CRIM1: variants seen among roughly 807,000 people sequenced by gnomAD.
CRIM1 encodes cysteine rich transmembrane BMP regulator 1.
A neutral mutation model predicts 116.4 loss-of-function variants in CRIM1; 32 were observed. The ratio of observed to expected loss-of-function variants is 0.27; its 90% confidence interval spans 0.21 to 0.37. The LOEUF (loss-of-function observed/expected upper bound fraction) is 0.37, where lower values mean the gene tolerates loss of function less well. Among genes scored for constraint, CRIM1 ranks in the 10% least tolerant of loss-of-function variants. The pLI is 1.00. For missense variants in CRIM1, 1,331 were observed against 1,354.8 expected, an observed-to-expected ratio of 0.98 and a Z score of 0.28; for synonymous variants, 590 against 509.2, an observed-to-expected ratio of 1.16 and a Z score of -2.13.
intron 4 of CRIM1, among the ~76,000 whole-genome samples, chr2:36,463,479 T>C (rs1677744278): frequency 6.6e-6 from 1 of 152,182 alleles, no homozygotes; most frequent in Non-Finnish European, 1.5e-5. Context: ...GATGTCTTTT[T>C]TTAGGATGTC....
At chr2:36,368,653 A>G (rs1669753217) in intron 1 of CRIM1, among the ~76,000 whole-genome samples, 1 of 152,222 alleles carries the variant, frequency 6.6e-6, no homozygotes, top group South Asian at 2.1e-4. Context: ...TTCATTAATA[A>G]GTCTGCTGAA....
intron 2 of CRIM1, among the ~76,000 whole-genome samples, chr2:36,419,004 C>G (rs1272393504): frequency 6.6e-6 from 1 of 152,190 alleles, no homozygotes; most frequent in East Asian, 1.9e-4. Flanking sequence ...CTTCTCCTTC[C>G]TCTCTCCTGC....
In CRIM1 at chr2:36,441,454, C is replaced by T; in HGVS notation, c.702C>T (p.Ala234=). ...PGNLNILVSK[A]SGKPGECCDL... ...ACCTGAACATACTAGTGTCAAAAGC[C>T]TCAGGGAAGCCGGGAGAGTGCTGTG... The change falls in exon 3 of 17, where the codon GCC becomes GCT. Residue 234 remains alanine, a synonymous_variant. Transcript: ENST00000280527. The T allele has an allele frequency of 6.2e-7, 1 of 1,613,668 alleles. No homozygotes were observed. Among genetic ancestry groups the T allele is most frequent in the Non-Finnish European group, 8.5e-7 (1 of 1,180,024 alleles).
chr2:36,426,215 T>C (rs921768018), intron 2 of CRIM1, among the ~76,000 whole-genome samples: 1 of 152,182 alleles, frequency 6.6e-6, no homozygotes, highest in Non-Finnish European at 1.5e-5. Context: ...AAGAGCAATT[T>C]CTGGAAATAC....
In CRIM1 at chr2:36,394,966, T is replaced by C. The variant is rs370582032; in HGVS notation, c.332-1648T>C. Among the ~76,000 whole-genome samples, 36 of 150,340 alleles carry C rather than the reference T, an allele frequency of 2.4e-4. 1 individual carries two copies. In the East Asian group the frequency reaches 4.7e-3, roughly 20 times the overall value. Reference sequence around the variant, plus strand: ...ACGTACTGAGCAATGATGCCAGCAATAAAAGCTTACCCTATAAAAATAAGA... The same window carrying C: ...ACGTACTGAGCAATGATGCCAGCAACAAAAGCTTACCCTATAAAAATAAGA... On this transcript the variant is annotated intron_variant, in intron 1 of 16. Transcript: ENST00000280527.
rs781697651 is a variant in CRIM1 at position 36,464,534 on chromosome 2, A to G, written c.870A>G (p.Arg290=). Residue 290 remains arginine, a splice_region_variant and synonymous_variant, in exon 5 of 17, where the codon AGA becomes AGG. Transcript: ENST00000280527. ...TTCCTTCCCTTTTCTTTGGTTTCAG[A>G]TGCGAGTGTCTCTCTGGCTTATGTG... is the stretch of plus-strand genomic sequence containing the variant. ...TADGCCTLPT[R]CECLSGLCGF... is the part of the protein sequence containing the mutation. The G allele has an allele frequency of 1.9e-6, 3 of 1,613,856 alleles. No homozygotes were observed. The African/African-American group carries it at 4.0e-5, about 22-fold the overall frequency.
chr2:36,368,605 C>G (rs1669749328), intron 1 of CRIM1, among the ~76,000 whole-genome samples: 1 of 152,170 alleles, frequency 6.6e-6, no homozygotes, highest in Admixed American at 6.5e-5. Context: ...GAGCAGCCTT[C>G]CAGAATGAGG....
At chr2:36,491,288 GTGTCATCAC>G (rs1382261999) in intron 7 of CRIM1, among the ~76,000 whole-genome samples, 6 of 152,134 alleles carry the variant, frequency 3.9e-5, no homozygotes, top group Non-Finnish European at 4.4e-5. Context: ...AGGAAACCGA[GTGTCATCAC>G]TGAGTAATCT....
chr2:36,398,590 C>G (rs527280434), intron 2 of CRIM1, among the ~76,000 whole-genome samples: 1 of 152,240 alleles, frequency 6.6e-6, no homozygotes, highest in African/African-American at 2.4e-5. Flanking sequence ...GAATAATTAC[C>G]GTATCTGATT....
intron 2 of CRIM1, among the ~76,000 whole-genome samples, chr2:36,396,998 G>A (rs113986517): frequency 6.6e-6 from 1 of 152,174 alleles, no homozygotes; most frequent in African/African-American, 2.4e-5. Context: ...GTGGTGGTGT[G>A]AGCAGGGCCC....
intron 1 of CRIM1, among the ~76,000 whole-genome samples, chr2:36,388,446 C>T (rs11901313): frequency 0.18 from 27,940 of 152,152 alleles, 2,678 homozygotes; most frequent in Admixed American, 0.28. Flanking sequence ...AAATTGTTAG[C>T]ATTGTACAAT....
chr2:36,373,359 G>C (rs1220475134), intron 1 of CRIM1, among the ~76,000 whole-genome samples: 1 of 152,190 alleles, frequency 6.6e-6, no homozygotes, highest in African/African-American at 2.4e-5. Flanking sequence ...TTCCTGGAAG[G>C]AGAGAACCAG....
intron 2 of CRIM1, among the ~76,000 whole-genome samples, chr2:36,438,238 C>A (rs1675483169): frequency 6.6e-6 from 1 of 151,688 alleles, no homozygotes; most frequent in South Asian, 2.1e-4. Flanking sequence ...CTGATTATTA[C>A]ATACTAAATA....
chr2:36,515,466 C>T (rs1370769940), intron 11 of CRIM1, among the ~76,000 whole-genome samples: 3 of 152,216 alleles, frequency 2.0e-5, no homozygotes, highest in Non-Finnish European at 2.9e-5. Flanking sequence ...CATGTTGCCA[C>T]ATAAGCCTCC....
chr2:36,482,008 CAG>C (rs1679457212), intron 7 of CRIM1, among the ~76,000 whole-genome samples: 2 of 152,278 alleles, frequency 1.3e-5, no homozygotes, highest in African/African-American at 2.4e-5. Flanking sequence ...TTGAAGACCT[CAG>C]GGGAAAGATG....
intron 4 of CRIM1, among the ~76,000 whole-genome samples, chr2:36,446,932 G>A (rs1305442418): frequency 2.0e-5 from 3 of 152,210 alleles, no homozygotes; most frequent in African/African-American, 7.2e-5. Flanking sequence ...CTGTGCATAA[G>A]AGAATTTACA....
chr2:36,542,485 T>TA lies in CRIM1; in HGVS notation c.2624-1890dup, dbSNP rs1224325419. 1.6e-4 allele frequency among the ~76,000 whole-genome samples: 24 copies of TA among 152,322 alleles called. 1 individual carries two copies. Among genetic ancestry groups the TA allele is most frequent in the African/African-American group, 4.3e-4 (18 of 41,574 alleles). ...GGTCAAGGCAAAAGAATTCCAAAGT[T>TA]ACGTCTCTCCCTCTCACTCAGGAAA... On this transcript the variant is annotated intron_variant, in intron 14 of 16. Transcript: ENST00000280527.
intron 2 of CRIM1, among the ~76,000 whole-genome samples, chr2:36,413,186 C>A (rs1046820502): frequency 4.6e-5 from 7 of 152,130 alleles, no homozygotes. Context: ...TTGAATGCTG[C>A]TGAATAAATT....
chr2:36,533,652 T>G (rs898460102), intron 13 of CRIM1, among the ~76,000 whole-genome samples: 1 of 152,162 alleles, frequency 6.6e-6, no homozygotes, highest in Non-Finnish European at 1.5e-5. Context: ...TCAGAGTGGT[T>G]GTTCTTTCTC....
Sources: allele counts gnomAD v4.1 joint callset (sites outside exome capture counted in the v4.1 genomes callset), GRCh38; gene constraint gnomAD v4.1.1; transcripts MANE v1.5; gene names NCBI Gene and HGNC (gene_info 2026-07-23, HGNC 2026-07-21).